Variants in SLC28A3 observed in about 807,000 individuals in gnomAD.
SLC28A3 encodes concentrative Na(+)-nucleoside cotransporter 3.
SLC28A3 carries 68 observed loss-of-function variants against 84.2 expected under a neutral mutation model. The ratio of observed to expected loss-of-function variants is 0.81; its 90% CI spans 0.66 to 0.99. The LOEUF (loss-of-function observed/expected upper bound fraction) is 0.99, where lower values mean the gene tolerates loss of function less well. Ranked by LOEUF, SLC28A3 falls within the 50% of genes least tolerant of loss-of-function variation. The pLI is 0.00. For missense variants in SLC28A3, 712 were observed against 841.5 expected (o/e 0.85, Z 1.90); for synonymous variants, 267 against 303.6 (o/e 0.88, Z 1.25).
chr9:84,309,574 T>C (rs1035740539), intron 3 of SLC28A3, 55 bp downstream of exon 3: 4 of 991,108 alleles, frequency 4.0e-6, no homozygotes, highest in Admixed American at 4.5e-5. Flanking sequence ...TAAAACAAAG[T>C]AATAAAACCA....
At chr9:84,285,803 G>T in intron 13 of SLC28A3, 140 bp downstream of exon 13, 1 of 1,033,846 alleles carries the variant, frequency 9.7e-7, no homozygotes, top group Non-Finnish European at 1.4e-6. Context: ...AGGTGGGTGG[G>T]AAGTTGGGGG....
At chr9:84,290,623 G>A (rs769564224) in intron 10 of SLC28A3, among the ~76,000 whole-genome samples, 6 of 151,990 alleles carry the variant, frequency 3.9e-5, no homozygotes, top group Non-Finnish European at 8.8e-5. Flanking sequence ...TGTAAAATTC[G>A]TGAGGCTAGA....
Position 84,299,701 on chromosome 9 carries a change from T to C in SLC28A3, c.549A>G (p.Leu183=). 11 of 1,609,714 alleles carry C rather than the reference T, an allele frequency of 6.8e-6. No homozygotes were observed. Among genetic ancestry groups the C allele is most frequent in the Non-Finnish European group, 9.3e-6 (11 of 1,178,862 alleles). The stretch of plus-strand genomic sequence containing the variant: ...CAAAGGCCAACCAGAAAATAACTGC[T>C]AGGACCAGGGAGCTCCAGATCACCC... ...LKWVIWSSLV[L]AVIFWLAFDT... The change falls in exon 6 of 18, where the codon CTA becomes CTG. Residue 183 remains leucine, a synonymous_variant. Transcript: ENST00000376238.
At chr9:84,361,944 A>T in the SLC28A3 span, among the ~76,000 whole-genome samples, 1 of 152,202 alleles carries the variant, frequency 6.6e-6, no homozygotes. Flanking sequence ...ATAAAAATTA[A>T]TTTTTAGTAA....
chr9:84,284,111 G>A (rs1389381567), intron 14 of SLC28A3, among the ~76,000 whole-genome samples: 1 of 152,108 alleles, frequency 6.6e-6, no homozygotes, highest in Non-Finnish European at 1.5e-5. Flanking sequence ...CGCAGAGCCC[G>A]GTTTGCTCAT....
At chr9:84,318,503 C>T (rs1209696773) in intron 1 of SLC28A3, among the ~76,000 whole-genome samples, 5 of 152,070 alleles carry the variant, frequency 3.3e-5, no homozygotes, top group South Asian at 4.2e-4. Context: ...GTGCTGTACC[C>T]GAAGGAGAAA....
chr9:84,304,460 AC>A lies in SLC28A3; in HGVS notation c.334+793del, dbSNP rs1468688124. ...AAGAAAAACAAAAAATAACAGTACAACAAAAAAAAAAAACAAAAACAAACCA... is the reference window on the plus strand; with the variant it reads ...AAGAAAAACAAAAAATAACAGTACAAAAAAAAAAAAAACAAAAACAAACCA... On this transcript the variant is annotated intron_variant, in intron 4 of 17. Transcript: ENST00000376238. Among the ~76,000 whole-genome samples, 69 of 122,752 alleles carry A rather than the reference AC, an allele frequency of 5.6e-4. 1 individual carries two copies. Among genetic ancestry groups the A allele is most frequent in the Non-Finnish European group, 1.9e-4 (12 of 64,384 alleles). 80.5% of individuals were successfully genotyped at this position (122,752 alleles called of 152,430 possible). A position where few individuals can be genotyped will look rare whatever the true frequency, so the allele number is the denominator to read the frequency against.
intron 1 of SLC28A3, among the ~76,000 whole-genome samples, chr9:84,332,815 A>C (rs1162331377): frequency 6.6e-6 from 1 of 152,210 alleles, no homozygotes. Flanking sequence ...CCTAAATGGG[A>C]CCATATATAA....
At chr9:84,313,681 G>A (rs1433709501) in intron 1 of SLC28A3, among the ~76,000 whole-genome samples, 2 of 151,948 alleles carry the variant, frequency 1.3e-5, no homozygotes, top group African/African-American at 2.4e-5. Context: ...ATGGGAGGCC[G>A]AAGTGGGAGG....
the SLC28A3 span, among the ~76,000 whole-genome samples, chr9:84,350,278 C>G: frequency 6.6e-6 from 1 of 152,090 alleles, no homozygotes; most frequent in African/African-American, 2.4e-5. Flanking sequence ...CACGTCTCTA[C>G]TAAAAATACA....
At chr9:84,357,667 A>G in the SLC28A3 span, among the ~76,000 whole-genome samples, 2 of 151,614 alleles carry the variant, frequency 1.3e-5, no homozygotes, top group South Asian at 4.1e-4. Context: ...TGCCTCCTCA[A>G]AAGGGTTGTC....
intron 1 of SLC28A3, among the ~76,000 whole-genome samples, chr9:84,319,883 C>T (rs1000696020): frequency 9.9e-5 from 15 of 152,126 alleles, no homozygotes; most frequent in Admixed American, 1.3e-4. Context: ...TTCCCATACA[C>T]GATATTACTT....
intron 14 of SLC28A3, among the ~76,000 whole-genome samples, chr9:84,283,016 T>C (rs1253508079): frequency 7.5e-6 from 1 of 133,648 alleles, no homozygotes; most frequent in Non-Finnish European, 1.5e-5. Flanking sequence ...ACTTTTATTC[T>C]AGTGCTTTTC....
At chr9:84,279,236 T>C in intron 17 of SLC28A3, 29 bp downstream of exon 17, 4 of 1,574,254 alleles carry the variant, frequency 2.5e-6, no homozygotes, top group Non-Finnish European at 3.4e-6. Flanking sequence ...TAATGGAGTA[T>C]AAAGAAATTA....
intron 2 of SLC28A3, among the ~76,000 whole-genome samples, chr9:84,312,835 G>C (rs148007230): frequency 6.6e-6 from 1 of 151,978 alleles, no homozygotes; most frequent in African/African-American, 2.4e-5. Flanking sequence ...CACCGTGCCC[G>C]GCCCTGAATT....
intron 5 of SLC28A3, among the ~76,000 whole-genome samples, chr9:84,300,992 A>G (rs1393159396): frequency 6.6e-6 from 1 of 152,154 alleles, no homozygotes; most frequent in Admixed American, 6.5e-5. Context: ...TGATGCCTGT[A>G]TCAAAATATC....
intron 10 of SLC28A3, among the ~76,000 whole-genome samples, chr9:84,291,361 A>G (rs1825213532): frequency 6.6e-6 from 1 of 152,020 alleles, no homozygotes. Flanking sequence ...TTTGAGACAG[A>G]GTTTTGCTCT....
intron 1 of SLC28A3, among the ~76,000 whole-genome samples, chr9:84,326,664 AAC>A (rs1826563697): frequency 1.3e-5 from 2 of 151,764 alleles, no homozygotes; most frequent in Non-Finnish European, 2.9e-5. Context: ...CAACAACAAC[AAC>A]AACAACAACA....
At chr9:84,298,694 C>T (rs1420173705) in intron 6 of SLC28A3, among the ~76,000 whole-genome samples, 2 of 152,174 alleles carry the variant, frequency 1.3e-5, no homozygotes, top group Non-Finnish European at 2.9e-5. Flanking sequence ...ATTATTTCCC[C>T]TATCTGGAAA....
Sources: gnomAD v4.1 joint callset for allele counts (sites outside exome capture counted in the v4.1 genomes callset) on GRCh38, gnomAD v4.1.1 for gene constraint, MANE v1.5 for transcripts, NCBI Gene and HGNC (gene_info 2026-07-23, HGNC 2026-07-21) for gene names.